NAALADL2: variants seen among roughly 807,000 people sequenced by gnomAD.
NAALADL2 encodes the protein N-acetylated alpha-linked acidic dipeptidase like 2.
A neutral mutation model predicts 87.2 loss-of-function variants in NAALADL2; 76 were observed. That is an observed-to-expected ratio of 0.87 (90% CI 0.72 to 1.05). NAALADL2 has a LOEUF of 1.05. Ranked by LOEUF, NAALADL2 falls within the 50% of genes least tolerant of loss-of-function variation. The pLI is 0.00. For synonymous variants in NAALADL2, 354 were observed against 331.0 expected, an observed-to-expected ratio of 1.07 and a Z score of -0.75; for missense variants, 1,089 against 945.8, an observed-to-expected ratio of 1.15 and a Z score of -1.99.
chr3:174,909,212 GGT>G (rs1443659559), intron 1 of NAALADL2, among the ~76,000 whole-genome samples: 1 of 151,962 alleles, frequency 6.6e-6, no homozygotes, highest in Non-Finnish European at 1.5e-5. Flanking sequence ...TGGCCAACAT[GGT>G]GATATACCGT....
chr3:175,453,847 T>C (rs1721930219), intron 6 of NAALADL2, among the ~76,000 whole-genome samples: 1 of 152,126 alleles, frequency 6.6e-6, no homozygotes, highest in African/African-American at 2.4e-5. Context: ...GAATATAAAT[T>C]TGTCCATTTT....
intron 5 of NAALADL2, among the ~76,000 whole-genome samples, chr3:175,427,454 A>G (rs186524631): frequency 1.6e-4 from 24 of 152,330 alleles, no homozygotes; most frequent in African/African-American, 5.0e-4. Context: ...TAAATGATTC[A>G]CGTTATATAC....
At chr3:175,289,092 C>A (rs1053910524) in intron 4 of NAALADL2, among the ~76,000 whole-genome samples, 1 of 151,900 alleles carries the variant, frequency 6.6e-6, no homozygotes, top group Non-Finnish European at 1.5e-5. Context: ...AGAATTTGAG[C>A]TGTTATCTTA....
chr3:174,943,966 C>T (rs76053166), intron 1 of NAALADL2, among the ~76,000 whole-genome samples: 3 of 152,196 alleles, frequency 2.0e-5, no homozygotes, highest in Admixed American at 2.0e-4. Context: ...CAGGGGGTAA[C>T]TGGAGGCCCA....
chr3:175,421,940 G>T (rs1298059319), intron 5 of NAALADL2, among the ~76,000 whole-genome samples: 3 of 152,048 alleles, frequency 2.0e-5, no homozygotes, highest in Non-Finnish European at 4.4e-5. Flanking sequence ...CCTGGTGAAG[G>T]AGTTTGTCTG....
chr3:175,143,903 A>C (rs1159376798), intron 2 of NAALADL2, among the ~76,000 whole-genome samples: 1 of 151,892 alleles, frequency 6.6e-6, no homozygotes, highest in African/African-American at 2.4e-5. Context: ...CTACTTCACT[A>C]TGCTGGCTTG....
rs1718722968 is a variant in NAALADL2, at chr3:175,436,655, A to C, written c.1091-10574A>C. Among the ~76,000 whole-genome samples, 2 of 130,544 alleles carry C rather than the reference A, an allele frequency of 1.5e-5. 1 individual carries two copies. The highest frequency in any genetic ancestry group is 1.7e-4 in the Admixed American group (2 of 11,634). 85.6% of individuals were successfully genotyped at this position (130,544 alleles called of 152,430 possible). A position where few individuals can be genotyped will look rare whatever the true frequency, so the allele number is the denominator to read the frequency against. ...TTGGCTGCATAAATGTCTTCTTTTG[A>C]GAAGTGTCTGTTCATGTCCTTCGCC... On this transcript the variant is annotated intron_variant, in intron 5 of 13. Coordinates refer to ENST00000454872, the MANE Select transcript of NAALADL2 (RefSeq NM_207015.3).
intron 9 of NAALADL2, among the ~76,000 whole-genome samples, chr3:175,553,307 G>A (rs1714736613): frequency 6.6e-6 from 1 of 152,110 alleles, no homozygotes; most frequent in Non-Finnish European, 1.5e-5. Context: ...GGTAATTTGG[G>A]TTTGGAATGT....
chr3:175,055,744 T>A (rs1712007099), intron 1 of NAALADL2, among the ~76,000 whole-genome samples: 1 of 152,024 alleles, frequency 6.6e-6, no homozygotes, highest in African/African-American at 2.4e-5. Flanking sequence ...ACTCGCTGAG[T>A]TTTTCTACAT....
rs534237621 is a variant in NAALADL2 at position 175,571,567 on chromosome 3, G to C, written c.1654-4474G>C. Among the ~76,000 whole-genome samples the C allele has an allele frequency of 2.0e-5, 3 of 152,230 alleles. No individual in the cohort carries two copies. In the East Asian group the frequency reaches 5.8e-4, roughly 29 times the overall value. ...TATTAATGCTTATGAGGGTTGAGTA[G>C]ATCAATGTCTATTACCTCACATGGA... On this transcript the variant is annotated intron_variant, in intron 9 of 13. Transcript: ENST00000454872.
At chr3:175,040,874 C>T (rs1223407441) in intron 1 of NAALADL2, among the ~76,000 whole-genome samples, 1 of 152,124 alleles carries the variant, frequency 6.6e-6, no homozygotes, top group East Asian at 1.9e-4. Flanking sequence ...TATTTAAAAA[C>T]ATGCATCAAC....
At chr3:175,314,576 T>TA (rs1758802751) in intron 4 of NAALADL2, among the ~76,000 whole-genome samples, 1 of 129,118 alleles carries the variant, frequency 7.7e-6, no homozygotes, top group Non-Finnish European at 1.6e-5. Context: ...TATATATATA[T>TA]ATATATATAT....
intron 2 of NAALADL2, among the ~76,000 whole-genome samples, chr3:175,143,686 C>T (rs1351073945): frequency 6.6e-6 from 1 of 151,782 alleles, no homozygotes; most frequent in African/African-American, 2.4e-5. Flanking sequence ...TCATTGAATC[C>T]TAAAATCACT....
In NAALADL2 at chr3:175,325,682, C is replaced by G. The variant is rs369366199; in HGVS notation, c.1090+1357C>G. ...GGTTGGCACCATTACTCAACATTTT[C>G]TTGCCCCAGGTCATTTCATAAATAC... On this transcript the variant is annotated intron_variant, in intron 5 of 13. Coordinates refer to ENST00000454872, the MANE Select transcript of NAALADL2 (RefSeq NM_207015.3). Among the ~76,000 whole-genome samples, 185 of 152,328 alleles carry G rather than the reference C, an allele frequency of 1.2e-3. 1 individual carries two copies. The highest frequency in any genetic ancestry group is 4.4e-3 in the African/African-American group (182 of 41,574).
chr3:175,135,570 G>GA (rs1341110490), intron 2 of NAALADL2, among the ~76,000 whole-genome samples: 3 of 151,520 alleles, frequency 2.0e-5, no homozygotes, highest in South Asian at 2.1e-4. Flanking sequence ...AATTACCGAG[G>GA]AAAAAAAATC....
chr3:174,913,090 T>G (rs1335739752), intron 1 of NAALADL2, among the ~76,000 whole-genome samples: 1 of 152,182 alleles, frequency 6.6e-6, no homozygotes, highest in East Asian at 1.9e-4. Context: ...TAAAGTGTCC[T>G]GCAATACATA....
At chr3:175,205,842 A>G (rs1461425168) in intron 2 of NAALADL2, among the ~76,000 whole-genome samples, 1 of 152,072 alleles carries the variant, frequency 6.6e-6, no homozygotes, top group African/African-American at 2.4e-5. Flanking sequence ...AAAAAAATGA[A>G]AAAATGCCCA....
intron 9 of NAALADL2, among the ~76,000 whole-genome samples, chr3:175,515,651 C>T (rs1344464838): frequency 6.6e-6 from 1 of 151,836 alleles, no homozygotes; most frequent in East Asian, 1.9e-4. Flanking sequence ...TAGGCACAAA[C>T]CAATGAAAGT....
intron 1 of NAALADL2, among the ~76,000 whole-genome samples, chr3:175,049,773 A>G (rs2109013707): frequency 6.6e-6 from 1 of 152,318 alleles, no homozygotes; most frequent in East Asian, 1.9e-4. Flanking sequence ...AGTCAGAAAA[A>G]TCAAGCATTA....
Sources: gnomAD v4.1 joint callset for allele counts (sites outside exome capture counted in the v4.1 genomes callset) on GRCh38, gnomAD v4.1.1 for gene constraint, MANE v1.5 for transcripts, NCBI Gene and HGNC (gene_info 2026-07-23, HGNC 2026-07-21) for gene names.